SETD1B: variants seen among roughly 807,000 people sequenced by gnomAD.
SETD1B encodes histone-lysine N-methyltransferase SETD1B.
SETD1B carries 7 observed loss-of-function variants against 148.0 expected under a neutral mutation model. The ratio of observed to expected loss-of-function variants is 0.05; its 90% CI spans 0.03 to 0.09. SETD1B has a LOEUF of 0.09. Among genes scored for constraint, SETD1B ranks in the 10% least tolerant of loss-of-function variants. The pLI is 1.00. For synonymous variants in SETD1B, 1,361 were observed against 1,186.5 expected (o/e 1.15, Z -3.02); for missense variants, 2,155 against 2,729.9 (o/e 0.79, Z 4.69).
At position 121,830,595 on chromosome 12, in the gene SETD1B, G is replaced by C. The variant is rs1877048930; in HGVS notation, c.*356G>C. ...TCACCCTCGGCCTCTTCCTGTGAAT[G>C]CTGCTACGTTGTTTTGTCTTCTCTA... On this transcript the variant is annotated 3_prime_UTR_variant, in exon 17 of 17. Coordinates refer to ENST00000604567, the MANE Select transcript of SETD1B (RefSeq NM_001353345.2). This position sits in a 1 kb window ranked among gnomAD's most constrained non-coding sequence, Gnocchi z 5.7. 2 of 198,560 alleles carry C rather than the reference G, an allele frequency of 1.0e-5. No homozygotes were observed. Among genetic ancestry groups the C allele is most frequent in the Admixed American group, 5.8e-5 (1 of 17,306 alleles). 12.3% of individuals were successfully genotyped at this position (198,560 alleles called of 1,614,324 possible). A position where few individuals can be genotyped will look rare whatever the true frequency, so the allele number is the denominator to read the frequency against.
intron 7 of SETD1B, among the ~76,000 whole-genome samples, chr12:121,815,707 C>T (rs1189921582): frequency 6.6e-6 from 1 of 152,072 alleles, no homozygotes; most frequent in Admixed American, 6.6e-5. Context: ...GACAGAGTTT[C>T]ACCACGTTGC....
Position 121,817,959 on chromosome 12 carries a change from G to A in SETD1B, c.3418+55G>A. ...CTCCCGGAGTCCCTCTTTCCCCGGG[G>A]CAGAGCCTGAGCAATTGTCAGAAAT... On this transcript the variant is annotated intron_variant, in intron 10 of 16. Coordinates refer to ENST00000604567, the MANE Select transcript of SETD1B (RefSeq NM_001353345.2). This position sits in a 1 kb window ranked among gnomAD's most constrained non-coding sequence, Gnocchi z 8.1. 1.4e-6 allele frequency: 2 copies of A among 1,460,596 alleles called. No individual in the cohort carries two copies. The highest frequency in any genetic ancestry group is 2.5e-5 in the East Asian group (1 of 39,910). The allele number at this position is 1,460,596 out of a possible 1,614,324, so 90.5% of individuals were successfully genotyped here.
intron 4 of SETD1B, 81 bp downstream of exon 4, chr12:121,806,186 G>T (rs1875729689): frequency 6.9e-7 from 1 of 1,459,590 alleles, no homozygotes; most frequent in South Asian, 1.3e-5. Flanking sequence ...GCGTGGGGAG[G>T]ACCCCCCCTC....
intron 11 of SETD1B, among the ~76,000 whole-genome samples, chr12:121,821,436 TAAA>T (rs554956574): frequency 1.7e-5 from 2 of 116,596 alleles, no homozygotes; most frequent in Non-Finnish European, 3.7e-5. Context: ...GAGACTGTCT[TAAA>T]AAAAAAAAAA....
At position 121,810,595 on chromosome 12, in the gene SETD1B, C is replaced by G. The variant is rs986617828; in HGVS notation, c.1650C>G (p.Ser550=). The change falls in exon 6 of 17, where the codon TCC becomes TCG. Residue 550 remains serine (S), a synonymous_variant. Coordinates refer to ENST00000604567, the MANE Select transcript of SETD1B (RefSeq NM_001353345.2). This position sits in a 1 kb window ranked among gnomAD's most constrained non-coding sequence, Gnocchi z 7.6. ...LSPLAPFGTN[S]QPGFRGPTPP... ...CACTGGCCCCCTTTGGCACCAACTC[C>G]CAGCCAGGCTTCCGGGGCCCCACGC... 2.6e-6 allele frequency: 4 copies of G among 1,548,554 alleles called. No individual in the cohort carries two copies. The South Asian group carries it at 4.8e-5, about 18-fold the overall frequency.
In SETD1B at chr12:121,824,237, G is replaced by A. The variant is rs1379475694; in HGVS notation, c.5170+488G>A. 3.9e-5 allele frequency among the ~76,000 whole-genome samples: 6 copies of A among 152,186 alleles called. No homozygotes were observed. In the East Asian group the frequency reaches 1.2e-3, roughly 29 times the overall value. The stretch of plus-strand genomic sequence containing the variant: ...AGGCAAACCTGGCTCTAGAGTCCAG[G>A]CTCTTCACCACCAGGCTTTCATGAG... On this transcript the variant is annotated intron_variant, in intron 12 of 16. Transcript: ENST00000604567.
rs771773131 is a variant in SETD1B at position 121,823,501 on chromosome 12, C to T, written c.4922C>T (p.Pro1641Leu). 1.4e-4 allele frequency: 215 copies of T among 1,550,590 alleles called. No homozygotes were observed. Among genetic ancestry groups the T allele is most frequent in the Non-Finnish European group, 1.7e-4 (194 of 1,146,900 alleles). The change falls in exon 12 of 17, where the codon CCG becomes CTG. Residue 1641 changes from proline to leucine, a missense_variant. Physicochemically the swap from Pro to Leu is moderately conservative, Grantham distance 98 (BLOSUM62 -3). Transcript: ENST00000604567. ...EYMELAKSRGPWRRPPKKRHE... is the reference protein window; with the variant it reads ...EYMELAKSRGLWRRPPKKRHE... ...ATGGAGTTGGCCAAGAGCCGGGGGC[C>T]GTGGCGCCGGCCACCTAAGAAGCGC...
At position 121,814,324 on chromosome 12, in the gene SETD1B, C is replaced by T. The variant is rs1462170650; in HGVS notation, c.2109C>T (p.Phe703=). Residue 703 remains phenylalanine, a synonymous_variant, in exon 7 of 17, where the codon TTC becomes TTT. Coordinates refer to ENST00000604567, the MANE Select transcript of SETD1B (RefSeq NM_001353345.2). ...CACCACCCCCACCGCAGCCTGGCTT[C>T]CCCATGCCCCCACCGCTGCCCCCAC... The part of the protein sequence containing the change: ...PPPPPPPQPG[F]PMPPPLPPPP... 3.8e-6 allele frequency: 3 copies of T among 791,064 alleles called. No individual in the cohort carries two copies. The highest frequency in any genetic ancestry group is 2.3e-5 in the African/African-American group (1 of 42,830). The allele number at this position is 791,064 out of a possible 1,614,324, so 49.0% of individuals were successfully genotyped here. A position where few individuals can be genotyped will look rare whatever the true frequency, so the allele number is the denominator to read the frequency against.
At position 121,830,957 on chromosome 12, in the gene SETD1B, C is replaced by T. The variant is rs983967714; in HGVS notation, c.*718C>T. The T allele has an allele frequency of 6.6e-6, 1 of 152,416 alleles. No individual in the cohort carries two copies. The highest frequency in any genetic ancestry group is 2.4e-5 in the African/African-American group (1 of 41,466). 9.4% of individuals were successfully genotyped at this position (152,416 alleles called of 1,614,324 possible). A position where few individuals can be genotyped will look rare whatever the true frequency, so the allele number is the denominator to read the frequency against. Reference sequence around the variant, plus strand: ...GGACCCTGATGGAGCTAAGCTGTCCCAGGCAGGGGTCTCCGCTCTGGGCTT... The same window carrying T: ...GGACCCTGATGGAGCTAAGCTGTCCTAGGCAGGGGTCTCCGCTCTGGGCTT... On this transcript the variant is annotated 3_prime_UTR_variant, in exon 17 of 17. Transcript: ENST00000604567. This position sits in a 1 kb window ranked among gnomAD's most constrained non-coding sequence, Gnocchi z 5.7.
chr12:121,820,371 C>T (rs1258224769), intron 11 of SETD1B, among the ~76,000 whole-genome samples: 1 of 152,232 alleles, frequency 6.6e-6, no homozygotes, highest in Non-Finnish European at 1.5e-5. Context: ...TGGCAGCGTT[C>T]TCAGGCTGTG....
At chr12:121,824,939 C>T (rs898139121) in intron 12 of SETD1B, among the ~76,000 whole-genome samples, 1 of 147,698 alleles carries the variant, frequency 6.8e-6, no homozygotes, top group Non-Finnish European at 1.5e-5. Context: ...GCTGAGATTG[C>T]ACCACTGCAC....
rs1248304046 is a variant in SETD1B at position 121,831,120 on chromosome 12, C to T, written c.*881C>T. The T allele has an allele frequency of 6.6e-6, 1 of 152,226 alleles. No homozygotes were observed. The highest frequency in any genetic ancestry group is 1.5e-5 in the Non-Finnish European group (1 of 68,038). 9.4% of individuals were successfully genotyped at this position (152,226 alleles called of 1,614,324 possible). ...CGCTGAGAACGCGGGCAGCCACTCT[C>T]TTCTGCCCTTGCCTTCGCCCTGGGT... On this transcript the variant is annotated 3_prime_UTR_variant, in exon 17 of 17. Transcript: ENST00000604567.
chr12:121,795,167 A>C, the SETD1B span: 1 of 152,352 alleles, frequency 6.6e-6, no homozygotes, highest in Non-Finnish European at 1.5e-5. Context: ...GAGGCCGGGG[A>C]GGCACCCCAG....
At chr12:121,825,468 C>A in intron 13 of SETD1B, 102 bp downstream of exon 13, 2 of 1,146,590 alleles carry the variant, frequency 1.7e-6, no homozygotes, top group Non-Finnish European at 2.4e-6. Context: ...AGTTGTGAGG[C>A]CAGAGGGGCT....
chr12:121,820,742 C>G (rs554900482), intron 11 of SETD1B, among the ~76,000 whole-genome samples: 2 of 152,280 alleles, frequency 1.3e-5, no homozygotes, highest in East Asian at 3.9e-4. Flanking sequence ...TCCGCGTTAG[C>G]CAGGATGGTC....
intron 6 of SETD1B, among the ~76,000 whole-genome samples, chr12:121,813,322 TAAC>T (rs55890962): frequency 0.75 from 113,235 of 151,960 alleles, 43,376 homozygotes; most frequent in East Asian, 0.95. Flanking sequence ...GAAAAATAAA[TAAC>T]AACACACTTC....
At position 121,805,019 on chromosome 12, in the gene SETD1B, GC is replaced by G; in HGVS notation, c.175-95del. On this transcript the variant is annotated intron_variant, in intron 2 of 16. Transcript: ENST00000604567. The surrounding 1 kb of genome is among the most constrained non-coding windows in gnomAD (Gnocchi z 4.2). ...ATCCCCCGGCCAACTGTCAGACGGG[GC>G]CCCAGCCCTGGAGTTTGACAAGTGC... The G allele has an allele frequency of 1.4e-6, 2 of 1,470,008 alleles. No individual in the cohort carries two copies. Among genetic ancestry groups the G allele is most frequent in the Non-Finnish European group, 1.8e-6 (2 of 1,090,130 alleles). The allele number at this position is 1,470,008 out of a possible 1,614,324, so 91.1% of individuals were successfully genotyped here. A position where few individuals can be genotyped will look rare whatever the true frequency, so the allele number is the denominator to read the frequency against.
intron 16 of SETD1B, among the ~76,000 whole-genome samples, chr12:121,829,365 G>A (rs766314520): frequency 2.6e-5 from 4 of 152,188 alleles, no homozygotes; most frequent in African/African-American, 7.2e-5. Flanking sequence ...AGGCCCTTCC[G>A]GGACTGAACT....
At chr12:121,801,557 ATCTT>A (rs1255718255), upstream of SETD1B, 1 of 152,634 alleles carries the variant, frequency 6.6e-6, no homozygotes, top group African/African-American at 2.4e-5. Flanking sequence ...GGCACTTTTT[ATCTT>A]TCTTACTTAC....
Sources: gnomAD v4.1 joint callset for allele counts (sites outside exome capture counted in the v4.1 genomes callset) on GRCh38, gnomAD v4.1.1 for gene constraint, Gnocchi (gnomAD v3.1) non-coding constraint, MANE v1.5 for transcripts, NCBI Gene and HGNC (gene_info 2026-07-23, HGNC 2026-07-21) for gene names.